Variants in JPH4 observed in about 807,000 individuals in gnomAD.
The protein encoded by JPH4 is junctophilin-4.
A neutral mutation model predicts 57.6 loss-of-function variants in JPH4; 18 were observed. The observed-to-expected ratio is 0.31, with a 90% CI of 0.22 to 0.46. JPH4 has a LOEUF of 0.46. JPH4 is among the 20% of genes least tolerant of loss of function. JPH4 has a pLI of 1.00. For synonymous variants in JPH4, 425 were observed against 406.6 expected (o/e 1.05, Z -0.54); for missense variants, 727 against 911.1 (o/e 0.80, Z 2.60).
In JPH4 at chr14:23,568,763, A is replaced by G; in HGVS notation, c.*871T>C. On this transcript the variant is annotated 3_prime_UTR_variant, in exon 6 of 6. Transcript: ENST00000356300. The stretch of plus-strand genomic sequence containing the variant: ...CTTCTTCAGGCCCCTTAGGAATTTA[A>G]TCAAAGGCCACAAGTGAGTCCAGAC... 1.0e-6 allele frequency: 1 copy of G among 985,814 alleles called. No homozygotes were observed. Among genetic ancestry groups the G allele is most frequent in the Non-Finnish European group, 1.2e-6 (1 of 829,964 alleles). The allele number at this position is 985,814 out of a possible 1,614,324, so 61.1% of individuals were successfully genotyped here.
In JPH4 at chr14:23,576,065, C is replaced by T; in HGVS notation, c.771G>A (p.Pro257=). ...GGGGCCCGCTGGCCTCCGAGCCGGGCGGTCCGGTGCTGCCCACCTCGCTGC... is the reference window on the plus strand; with the variant it reads ...GGGGCCCGCTGGCCTCCGAGCCGGGTGGTCCGGTGCTGCCCACCTCGCTGC... ...EVSSEVGSTG[P]PGSEASGPPA... The change falls in exon 3 of 6, where the codon CCG becomes CCA. Residue 257 remains proline, a synonymous_variant. Coordinates refer to ENST00000356300, the MANE Select transcript of JPH4 (RefSeq NM_001146028.2). The surrounding 1 kb of genome is among the most constrained non-coding windows in gnomAD (Gnocchi z 8.0). 4 of 1,312,070 alleles carry T rather than the reference C, an allele frequency of 3.0e-6. No individual in the cohort carries two copies. In the East Asian group the frequency reaches 9.5e-5, roughly 31 times the overall value. The allele number at this position is 1,312,070 out of a possible 1,614,324, so 81.3% of individuals were successfully genotyped here.
rs137929325 is a variant in JPH4 at position 23,573,069 on chromosome 14, C to T, written c.1152-1149G>A. The T allele has an allele frequency of 1.3e-3, 815 of 651,256 alleles. 2 individuals are homozygous for T. In the African/African-American group the frequency reaches 0.013, roughly 10 times the overall value. 40.3% of individuals were successfully genotyped at this position (651,256 alleles called of 1,614,324 possible). ...AGCTGCCATGGGCTTGAATTGATCA[C>T]ACCCCATGACTTCCTCTGGCCACAG... On this transcript the variant is annotated intron_variant, in intron 3 of 5. Transcript: ENST00000356300.
rs561919090 is a variant in JPH4, at chr14:23,577,690, G to C, written c.-171-66C>G. The C allele has an allele frequency of 7.7e-5, 31 of 400,126 alleles. No homozygotes were observed. Among genetic ancestry groups the C allele is most frequent in the African/African-American group, 5.6e-4 (27 of 48,404 alleles). 24.8% of individuals were successfully genotyped at this position (400,126 alleles called of 1,614,324 possible). ...CCCTCCTCTTTGCCCGCCGCTCCCT[G>C]GCCCGGTGGCTCTGGGGCATCAGCG... On this transcript the variant is annotated intron_variant, in intron 1 of 5. Transcript: ENST00000356300. The surrounding 1 kb of genome is among the most constrained non-coding windows in gnomAD (Gnocchi z 8.4).
chr14:23,569,868 C>T lies in JPH4; in HGVS notation c.1804-151G>A. 1.7e-6 allele frequency: 1 copy of T among 602,618 alleles called. No homozygotes were observed. The highest frequency in any genetic ancestry group is 3.0e-6 in the Non-Finnish European group (1 of 336,670). 37.3% of individuals were successfully genotyped at this position (602,618 alleles called of 1,614,324 possible). On this transcript the variant is annotated intron_variant, in intron 5 of 5. Coordinates refer to ENST00000356300, the MANE Select transcript of JPH4 (RefSeq NM_001146028.2). The surrounding 1 kb of genome is among the most constrained non-coding windows in gnomAD (Gnocchi z 4.8). ...CCAACATTTGTTTTGGATTGCAAAA[C>T]CCCCTCTTCTCCCAGGCAGGGCCCC...
intron 5 of JPH4, among the ~76,000 whole-genome samples, chr14:23,570,405 T>C (rs1301568664): frequency 7.3e-6 from 1 of 136,694 alleles, no homozygotes; most frequent in Admixed American, 7.9e-5. Context: ...AGAGTCTCGC[T>C]CTGTCACCCA....
chr14:23,569,749 C>T lies in JPH4; in HGVS notation c.1804-32G>A, dbSNP rs1889045511. On this transcript the variant is annotated intron_variant, in intron 5 of 5. Transcript: ENST00000356300. The surrounding 1 kb of genome is among the most constrained non-coding windows in gnomAD (Gnocchi z 4.8). ...AGACAGAGGGGGAAGCAGACTCAGT[C>T]CCCGAGGACAGGGCCCACCTTCCTG... 2 of 1,467,686 alleles carry T rather than the reference C, an allele frequency of 1.4e-6. No individual in the cohort carries two copies. The highest frequency in any genetic ancestry group is 1.9e-6 in the Non-Finnish European group (2 of 1,076,222). 90.9% of individuals were successfully genotyped at this position (1,467,686 alleles called of 1,614,324 possible).
At position 23,569,848 on chromosome 14, in the gene JPH4, A is replaced by C. The variant is rs1889052534; in HGVS notation, c.1804-131T>G. The C allele has an allele frequency of 3.2e-6, 2 of 624,030 alleles. No homozygotes were observed. Among genetic ancestry groups the C allele is most frequent in the Non-Finnish European group, 5.7e-6 (2 of 353,066 alleles). The allele number at this position is 624,030 out of a possible 1,614,324, so 38.7% of individuals were successfully genotyped here. A position where few individuals can be genotyped will look rare whatever the true frequency, so the allele number is the denominator to read the frequency against. On this transcript the variant is annotated intron_variant, in intron 5 of 5. Transcript: ENST00000356300. This position sits in a 1 kb window ranked among gnomAD's most constrained non-coding sequence, Gnocchi z 4.8. ...AGCCTGGAGCAGGGGGATCGCCAAC[A>C]TTTGTTTTGGATTGCAAAACCCCCT...
rs1889245160 is a variant in JPH4, at chr14:23,575,297, GCTGGAT to G, written c.1151+382_1151+387del. The G allele has an allele frequency of 1.8e-5, 5 of 270,430 alleles. No homozygotes were observed. The highest frequency in any genetic ancestry group is 2.8e-5 in the Non-Finnish European group (4 of 140,558). The allele number at this position is 270,430 out of a possible 1,614,324, so 16.8% of individuals were successfully genotyped here. On this transcript the variant is annotated intron_variant, in intron 3 of 5. Coordinates refer to ENST00000356300, the MANE Select transcript of JPH4 (RefSeq NM_001146028.2). This position sits in a 1 kb window ranked among gnomAD's most constrained non-coding sequence, Gnocchi z 6.9. ...GATGCTCCCAGCCTGAGGCCTGGAGGCTGGATCAGCTGCAAGAGGAGGAAGACTAGG... is the reference window on the plus strand; with the variant it reads ...GATGCTCCCAGCCTGAGGCCTGGAGGCAGCTGCAAGAGGAGGAAGACTAGG...
At position 23,576,008 on chromosome 14, in the gene JPH4, G is replaced by A. The variant is rs780473638; in HGVS notation, c.828C>T (p.Gly276=). The A allele has an allele frequency of 2.1e-6, 3 of 1,426,870 alleles. No individual in the cohort carries two copies. Among genetic ancestry groups the A allele is most frequent in the Admixed American group, 2.9e-5 (1 of 35,010 alleles). The allele number at this position is 1,426,870 out of a possible 1,614,324, so 88.4% of individuals were successfully genotyped here. A position where few individuals can be genotyped will look rare whatever the true frequency, so the allele number is the denominator to read the frequency against. ...PAAAPPALIE[G]SATEVYAGEW... is the part of the protein sequence containing the mutation. ...CGCCCGCGTACACCTCTGTGGCCGAGCCCTCGATGAGGGCGGGCGGCGCTG... is the reference window on the plus strand; with the variant it reads ...CGCCCGCGTACACCTCTGTGGCCGAACCCTCGATGAGGGCGGGCGGCGCTG... Residue 276 remains glycine (G), a synonymous_variant, in exon 3 of 6, where the codon GGC becomes GGT. Coordinates refer to ENST00000356300, the MANE Select transcript of JPH4 (RefSeq NM_001146028.2). The surrounding 1 kb of genome is among the most constrained non-coding windows in gnomAD (Gnocchi z 8.0).
chr14:23,576,970 G>T lies in JPH4; in HGVS notation c.379+105C>A. 1 of 1,313,596 alleles carries T rather than the reference G, an allele frequency of 7.6e-7. No individual in the cohort carries two copies. Among genetic ancestry groups the T allele is most frequent in the Non-Finnish European group, 1.0e-6 (1 of 1,001,904 alleles). The allele number at this position is 1,313,596 out of a possible 1,614,324, so 81.4% of individuals were successfully genotyped here. Reference sequence around the variant, plus strand: ...TCACATCGATGGGGAATGGTGGCGGGGGAAAGAAGGATGGGCGCAAGGGCG... The same window carrying T: ...TCACATCGATGGGGAATGGTGGCGGTGGAAAGAAGGATGGGCGCAAGGGCG... On this transcript the variant is annotated intron_variant, in intron 2 of 5. Coordinates refer to ENST00000356300, the MANE Select transcript of JPH4 (RefSeq NM_001146028.2). This position sits in a 1 kb window ranked among gnomAD's most constrained non-coding sequence, Gnocchi z 8.0.
Position 23,577,572 on chromosome 14 carries a change from G to A in JPH4, c.-119C>T, listed in dbSNP as rs1026612977. 4 of 841,964 alleles carry A rather than the reference G, an allele frequency of 4.8e-6. No individual in the cohort carries two copies. The highest frequency in any genetic ancestry group is 3.6e-5 in the African/African-American group (2 of 55,622). The allele number at this position is 841,964 out of a possible 1,614,324, so 52.2% of individuals were successfully genotyped here. A position where few individuals can be genotyped will look rare whatever the true frequency, so the allele number is the denominator to read the frequency against. On this transcript the variant is annotated 5_prime_UTR_variant, in exon 2 of 6. Coordinates refer to ENST00000356300, the MANE Select transcript of JPH4 (RefSeq NM_001146028.2). The surrounding 1 kb of genome is among the most constrained non-coding windows in gnomAD (Gnocchi z 8.4). ...GGGCGGGGGCAGTTAGACCGGGGCC[G>A]GGCGGGGGGGCCCCAGCGAGGGCAG...
chr14:23,568,623 C>T lies in JPH4; in HGVS notation c.*1011G>A, dbSNP rs1455499721. 2 of 985,936 alleles carry T rather than the reference C, an allele frequency of 2.0e-6. No individual in the cohort carries two copies. Among genetic ancestry groups the T allele is most frequent in the Non-Finnish European group, 2.4e-6 (2 of 829,968 alleles). The allele number at this position is 985,936 out of a possible 1,614,324, so 61.1% of individuals were successfully genotyped here. ...GTCACAGCTTCTGCTTCCATGTGAG[C>T]TCCTGTTATCTTGTCTGGTCCTATC... On this transcript the variant is annotated 3_prime_UTR_variant, in exon 6 of 6. Coordinates refer to ENST00000356300, the MANE Select transcript of JPH4 (RefSeq NM_001146028.2).
At position 23,570,984 on chromosome 14, in the gene JPH4, C is replaced by T. The variant is rs147934703; in HGVS notation, c.1747G>A (p.Gly583Arg). The change falls in exon 5 of 6, where the codon GGG becomes AGG. Residue 583 changes from glycine to arginine, a missense_variant. Physicochemically the swap from Gly to Arg is moderately radical, Grantham distance 125. Around this residue, in one of 7 missense-constraint regions of JPH4, gnomAD observed 293 missense variants for 279.8 expected, o/e 1.05. Coordinates refer to ENST00000356300, the MANE Select transcript of JPH4 (RefSeq NM_001146028.2). Reference sequence around the variant, plus strand: ...TCCCCGAGCTCTTCTGTCAGGCACCCAGCATCAGGACCCCTCGAGGACGAG... The same window carrying T: ...TCCCCGAGCTCTTCTGTCAGGCACCTAGCATCAGGACCCCTCGAGGACGAG... Reference protein sequence around the residue: ...RGSSSRGPDAGCLTEELGEPA... With the variant: ...RGSSSRGPDARCLTEELGEPA... 102 of 1,536,410 alleles carry T rather than the reference C, an allele frequency of 6.6e-5. No individual in the cohort carries two copies. The African/African-American group carries it at 1.3e-3, about 20-fold the overall frequency.
Position 23,568,939 on chromosome 14 carries a change from G to T in JPH4, c.*695C>A. ...GCCACCAGAGGGGGCTGGAGGAGGG[G>T]CTGGCCGATGAGGAGAAAAAGAGGG... On this transcript the variant is annotated 3_prime_UTR_variant, in exon 6 of 6. Transcript: ENST00000356300. 3.3e-6 allele frequency: 1 copy of T among 303,432 alleles called. No homozygotes were observed. The highest frequency in any genetic ancestry group is 4.8e-6 in the Non-Finnish European group (1 of 206,266). The allele number at this position is 303,432 out of a possible 1,614,324, so 18.8% of individuals were successfully genotyped here.
chr14:23,571,875 A>G lies in JPH4; in HGVS notation c.1197T>C (p.Ala399=). ...TTCGAGCTGCCTCCACGGCCTTCTC[A>G]GCGACACTGCTGGCTGCCACTGCCT... ...LLKAVAASSV[A]EKAVEAARMA... The change falls in exon 4 of 6, where the codon GCT becomes GCC. Residue 399 remains alanine, a synonymous_variant. Transcript: ENST00000356300. The surrounding 1 kb of genome is among the most constrained non-coding windows in gnomAD (Gnocchi z 4.6). The G allele has an allele frequency of 6.2e-7, 1 of 1,612,918 alleles. No homozygotes were observed. The highest frequency in any genetic ancestry group is 1.1e-5 in the South Asian group (1 of 91,080).
chr14:23,575,775 C>T lies in JPH4; in HGVS notation c.1061G>A (p.Gly354Asp), dbSNP rs1182882561. 6.3e-7 allele frequency: 1 copy of T among 1,596,940 alleles called. No homozygotes were observed. Among genetic ancestry groups the T allele is most frequent in the Non-Finnish European group, 8.5e-7 (1 of 1,173,316 alleles). The part of the protein sequence containing the change: ...RSLLPLALRR[G>D]KVKEKVDRAV... Reference sequence around the variant, plus strand: ...CCTGTCCACCTTCTCCTTAACCTTGCCCCGCCGAAGGGCCAGAGGCAGGAG... The same window carrying T: ...CCTGTCCACCTTCTCCTTAACCTTGTCCCGCCGAAGGGCCAGAGGCAGGAG... The change falls in exon 3 of 6, where the codon GGC becomes GAC. Residue 354 changes from glycine to aspartate, a missense_variant. This residue lies in a region of JPH4 where 112 missense variants were observed against 199.4 expected (regional missense o/e 0.56). Transcript: ENST00000356300. This position sits in a 1 kb window ranked among gnomAD's most constrained non-coding sequence, Gnocchi z 6.9.
rs1889280227 is a variant in JPH4, at chr14:23,576,629, A to G, written c.380-173T>C. ...CGGGAACAGGCCAGGCTGGGCCGGA[A>G]AGTGTGGGAGAGCAGAGTGAAGACG... On this transcript the variant is annotated intron_variant, in intron 2 of 5. Transcript: ENST00000356300. The surrounding 1 kb of genome is among the most constrained non-coding windows in gnomAD (Gnocchi z 8.0). Among the ~76,000 whole-genome samples the G allele has an allele frequency of 6.6e-6, 1 of 152,038 alleles. No homozygotes were observed. Among genetic ancestry groups the G allele is most frequent in the African/African-American group, 2.4e-5 (1 of 41,402 alleles).
At position 23,575,819 on chromosome 14, in the gene JPH4, G is replaced by A. The variant is rs1889258861; in HGVS notation, c.1017C>T (p.His339=). 6.3e-7 allele frequency: 1 copy of A among 1,584,114 alleles called. No individual in the cohort carries two copies. The highest frequency in any genetic ancestry group is 8.6e-7 in the Non-Finnish European group (1 of 1,167,420). The stretch of plus-strand genomic sequence containing the variant: ...GCAGGAGACTGCGGACGCGCCCGCC[G>A]TGCACCAGCCGGTTGCGCTTGTACT... ...EGKYKRNRLV[H]GGRVRSLLPL... is the part of the protein sequence containing the mutation. The change falls in exon 3 of 6, where the codon CAC becomes CAT. Residue 339 remains histidine, a synonymous_variant. Transcript: ENST00000356300. The surrounding 1 kb of genome is among the most constrained non-coding windows in gnomAD (Gnocchi z 6.9).
Position 23,571,910 on chromosome 14 carries a change from C to T in JPH4, c.1162G>A (p.Ala388Thr), listed in dbSNP as rs1361876159. 1.9e-6 allele frequency: 3 copies of T among 1,611,858 alleles called. No homozygotes were observed. Among genetic ancestry groups the T allele is most frequent in the Admixed American group, 3.3e-5 (2 of 59,996 alleles). ...CTGGCTGCCACTGCCTTTAGGAGGG[C>T]GTCTGCTGCCCTGTCGGGTCCAGAG... ...QEIAAARAAD[A>T]LLKAVAASSV... The change falls in exon 4 of 6, where the codon GCC (alanine) becomes ACC (threonine). Residue 388 changes from alanine to threonine, a missense_variant. Ala to Thr is a moderately conservative substitution (Grantham distance 58). Around this residue, in one of 7 missense-constraint regions of JPH4, gnomAD observed 112 missense variants for 199.4 expected, o/e 0.56. Coordinates refer to ENST00000356300, the MANE Select transcript of JPH4 (RefSeq NM_001146028.2). This position sits in a 1 kb window ranked among gnomAD's most constrained non-coding sequence, Gnocchi z 4.6.
Sources: gnomAD v4.1 joint callset for allele counts (sites outside exome capture counted in the v4.1 genomes callset) on GRCh38, gnomAD v4.1.1 for gene constraint, gnomAD v4.1.1 regional missense constraint, Gnocchi (gnomAD v3.1) non-coding constraint, MANE v1.5 for transcripts, NCBI Gene and HGNC (gene_info 2026-07-23, HGNC 2026-07-21) for gene names.